Variants in LMAN2L observed in about 807,000 individuals in gnomAD.
LMAN2L encodes VIP36-like protein.
In LMAN2L, 30 loss-of-function variants were observed where a neutral mutation model predicts 44.3. The ratio of observed to expected loss-of-function variants is 0.68; its 90% confidence interval spans 0.51 to 0.92. LMAN2L has a LOEUF of 0.92. LMAN2L is among the 40% of genes least tolerant of loss of function. The probability of loss-of-function intolerance (pLI) is 0.00; values close to 1 mark genes in which losing one functional copy is unlikely to be tolerated. For missense variants in LMAN2L, 429 were observed against 446.1 expected (o/e 0.96, Z 0.35); for synonymous variants, 183 against 171.1 (o/e 1.07, Z -0.54).
chr2:96,714,386 G>A (rs2077991066), intron 4 of LMAN2L, among the ~76,000 whole-genome samples: 1 of 152,220 alleles, frequency 6.6e-6, no homozygotes, highest in Admixed American at 6.5e-5. Flanking sequence ...GTCCGAGGCT[G>A]CAGTGCAGAT....
Position 96,739,976 on chromosome 2 carries a change from T to A in LMAN2L, c.65A>T (p.Asp22Val), listed in dbSNP as rs201711079. ...QQWRRCLSAR[D>V]GSRMLLLLLL... ...AAGAAGGAGTAACATCCTGGACCCATCCCGAGCCGACAAACATCGCCGCCA... is the reference window on the plus strand; with the variant it reads ...AAGAAGGAGTAACATCCTGGACCCAACCCGAGCCGACAAACATCGCCGCCA... Residue 22 changes from aspartate to valine, a missense_variant, in exon 1 of 8, where the codon GAT (aspartate) becomes GTT (valine). Coordinates refer to ENST00000264963, the MANE Select transcript of LMAN2L (RefSeq NM_030805.4). 1.9e-6 allele frequency: 3 copies of A among 1,613,094 alleles called. No homozygotes were observed. Among genetic ancestry groups the A allele is most frequent in the African/African-American group, 1.3e-5 (1 of 74,936 alleles).
intron 4 of LMAN2L, among the ~76,000 whole-genome samples, chr2:96,730,895 G>A (rs562355663): frequency 2.3e-4 from 35 of 152,136 alleles, no homozygotes; most frequent in Admixed American, 5.2e-4. Context: ...GGATAGTCTC[G>A]GTCTCCTGAC....
At chr2:96,721,282 G>T (rs2078148480) in intron 4 of LMAN2L, among the ~76,000 whole-genome samples, 1 of 150,436 alleles carries the variant, frequency 6.6e-6, no homozygotes, top group Non-Finnish European at 1.5e-5. Flanking sequence ...GTTTTCATGG[G>T]TCATCCATGT....
chr2:96,722,039 C>T (rs554545603), intron 4 of LMAN2L, among the ~76,000 whole-genome samples: 161 of 152,184 alleles, frequency 1.1e-3, no homozygotes, highest in African/African-American at 3.7e-3. Context: ...GCGATCTTGG[C>T]TCACTGCAAG....
chr2:96,733,435 C>A, intron 4 of LMAN2L, 84 bp downstream of exon 4: 1 of 999,722 alleles, frequency 1.0e-6, no homozygotes, highest in South Asian at 1.4e-5. Flanking sequence ...TTTCTATCTC[C>A]TTTGTTCCCT....
At position 96,707,293 on chromosome 2, in the gene LMAN2L, T is replaced by C; in HGVS notation, c.1010A>G (p.Asn337Ser). 6.2e-7 allele frequency: 1 copy of C among 1,614,104 alleles called. No homozygotes were observed. Among genetic ancestry groups the C allele is most frequent in the Non-Finnish European group, 8.5e-7 (1 of 1,179,990 alleles). The part of the protein sequence containing the change: ...FAIVIGIILY[N>S]KWQEQSRKRF... ...CTTTCGGCTCTGTTCCTGCCATTTG[T>C]TGTAGAGTATGATACCAATGACTAT... Residue 337 changes from asparagine to serine, a missense_variant, in exon 8 of 8, where the codon AAC becomes AGC. Coordinates refer to ENST00000264963, the MANE Select transcript of LMAN2L (RefSeq NM_030805.4).
intron 4 of LMAN2L, among the ~76,000 whole-genome samples, chr2:96,729,658 G>A (rs536196472): frequency 1.3e-3 from 192 of 151,392 alleles, no homozygotes; most frequent in African/African-American, 3.6e-3. Flanking sequence ...ACAGGCGCCC[G>A]CCACCACACC....
Position 96,739,870 on chromosome 2 carries a change from C to T in LMAN2L, c.171G>A (p.Leu57=). The T allele has an allele frequency of 4.3e-6, 7 of 1,613,854 alleles. No homozygotes were observed. Among genetic ancestry groups the T allele is most frequent in the Non-Finnish European group, 5.9e-6 (7 of 1,180,022 alleles). The change falls in exon 1 of 8, where the codon CTG becomes CTA. Residue 57 remains leucine (L), a synonymous_variant. Transcript: ENST00000264963. ...GCGCCTCACCCTGGTAGGGCTTCGA[C>T]AGCGAGTGCTCCCGTTTCAAGTACT... ...TFEYLKREHS[L]SKPYQGVGTG...
intron 3 of LMAN2L, among the ~76,000 whole-genome samples, chr2:96,734,069 C>G (rs368372851): frequency 6.6e-6 from 1 of 152,344 alleles, no homozygotes. Flanking sequence ...CTTGACTCAG[C>G]AGTGCTGAGA....
intron 4 of LMAN2L, among the ~76,000 whole-genome samples, chr2:96,718,203 G>A (rs924605671): frequency 6.6e-5 from 10 of 152,136 alleles, no homozygotes; most frequent in Admixed American, 2.0e-4. Flanking sequence ...TGATCCACCC[G>A]CCTTGGCTTC....
chr2:96,735,822 A>C (rs2078503158), intron 2 of LMAN2L, among the ~76,000 whole-genome samples: 1 of 151,032 alleles, frequency 6.6e-6, no homozygotes. Flanking sequence ...TGGGCGACAG[A>C]GCGAGACTCC....
At chr2:96,735,854 A>G (rs1030620916) in intron 2 of LMAN2L, among the ~76,000 whole-genome samples, 1 of 150,300 alleles carries the variant, frequency 6.7e-6, no homozygotes, top group Non-Finnish European at 1.5e-5. Context: ...AAAAAAAAAG[A>G]TTTCAGAGAA....
intron 4 of LMAN2L, among the ~76,000 whole-genome samples, chr2:96,715,992 A>T (rs2078032678): frequency 6.6e-6 from 1 of 152,238 alleles, no homozygotes; most frequent in Non-Finnish European, 1.5e-5. Context: ...CTTGGTGTTC[A>T]GGAGGGAGTC....
intron 4 of LMAN2L, among the ~76,000 whole-genome samples, chr2:96,724,813 AT>A (rs1336075241): frequency 6.6e-6 from 1 of 151,014 alleles, no homozygotes; most frequent in African/African-American, 2.4e-5. Flanking sequence ...AGCTCAGCTA[AT>A]TTTTTTATTT....
Position 96,707,220 on chromosome 2 carries a change from G to A in LMAN2L, c.*36C>T. 6.2e-7 allele frequency: 1 copy of A among 1,607,218 alleles called. No homozygotes were observed. The highest frequency in any genetic ancestry group is 8.5e-7 in the Non-Finnish European group (1 of 1,175,006). On this transcript the variant is annotated 3_prime_UTR_variant, in exon 8 of 8. Transcript: ENST00000264963. ...AGTGCCTGCTCCTTCCATACCTCAT[G>A]GGTGACAGTCACAAAAGTGGTGGCA...
chr2:96,719,842 T>C (rs964232264), intron 4 of LMAN2L, among the ~76,000 whole-genome samples: 2 of 152,160 alleles, frequency 1.3e-5, no homozygotes, highest in Non-Finnish European at 2.9e-5. Flanking sequence ...GCTGGGATTA[T>C]AGGCATTGGC....
At chr2:96,716,947 C>T (rs1355185135) in intron 4 of LMAN2L, among the ~76,000 whole-genome samples, 1 of 152,134 alleles carries the variant, frequency 6.6e-6, no homozygotes, top group Non-Finnish European at 1.5e-5. Flanking sequence ...CTGAATACAA[C>T]ACAGGATCTG....
Position 96,712,005 on chromosome 2 carries a change from T to C in LMAN2L, c.528A>G (p.Ser176=). The change falls in exon 5 of 8, where the codon TCA becomes TCG. Residue 176 remains serine, a synonymous_variant. Coordinates refer to ENST00000264963, the MANE Select transcript of LMAN2L (RefSeq NM_030805.4). ...KQQERVFPYI[S]AMVNNGSLSY... is the part of the protein sequence containing the mutation. ...TGAGGGAGCCGTTGTTCACCATGGC[T>C]GAGATGTAGGGGAATACCCGCTGGA... 1.2e-6 allele frequency: 2 copies of C among 1,614,058 alleles called. No individual in the cohort carries two copies. The highest frequency in any genetic ancestry group is 1.7e-6 in the Non-Finnish European group (2 of 1,180,008).
intron 3 of LMAN2L, 39 bp downstream of exon 3, chr2:96,734,370 C>A (rs1226277325): frequency 1.6e-6 from 2 of 1,229,848 alleles, no homozygotes; most frequent in South Asian, 2.4e-5. Flanking sequence ...AAAAATCAGG[C>A]TGTCACACCC....
Sources: allele counts gnomAD v4.1 joint callset (sites outside exome capture counted in the v4.1 genomes callset), GRCh38; gene constraint gnomAD v4.1.1; transcripts MANE v1.5; gene names NCBI Gene and HGNC (gene_info 2026-07-23, HGNC 2026-07-21).